Variants in FYB2 observed in about 807,000 individuals in gnomAD.
FYB2 encodes the protein FYN-binding protein 2.
In FYB2, 103 loss-of-function variants were observed where a neutral mutation model predicts 94.1. That is an observed-to-expected ratio of 1.09 (90% CI 0.93 to 1.29). The LOEUF (loss-of-function observed/expected upper bound fraction) is 1.29. Ranked by LOEUF, FYB2 falls within the 50% of genes most tolerant of loss-of-function variation. The pLI is 0.00. For synonymous variants in FYB2, 293 were observed against 287.9 expected, an observed-to-expected ratio of 1.02 and a Z score of -0.18; for missense variants, 896 against 841.5, an observed-to-expected ratio of 1.06 and a Z score of -0.80.
Position 56,792,661 on chromosome 1 carries a change from T to A in FYB2, c.152A>T (p.Asn51Ile). The stretch of plus-strand genomic sequence containing the variant: ...GTGGTTGGATGAGAGGGGTTTCCCA[T>A]TGGCCAAAATTTGAGTTGACTGTGT... The part of the protein sequence containing the change: ...GGTQSTQILA[N>I]GKPLSSNHKQ... The change falls in exon 2 of 20, where the codon AAT (asparagine) becomes ATT (isoleucine). Residue 51 changes from asparagine (N) to isoleucine (I), a missense_variant. Asn to Ile is a moderately radical substitution (Grantham distance 149, BLOSUM62 -3). Coordinates refer to ENST00000343433, the MANE Select transcript of FYB2 (RefSeq NM_001004303.5). 1 of 1,614,070 alleles carries A rather than the reference T, an allele frequency of 6.2e-7. No homozygotes were observed.
Position 56,753,850 on chromosome 1 carries a change from G to T in FYB2, c.1216C>A (p.His406Asn). ...KNTEKEPYSNHVFKVDACEGT... is the reference protein window; with the variant it reads ...KNTEKEPYSNNVFKVDACEGT... ...TAGAACATAGGTACCTTGAAAACAT[G>T]GTTTGAATATGGTTCCTTTTCTGTG... is the stretch of plus-strand genomic sequence containing the variant. The change falls in exon 8 of 20, where the codon CAT becomes AAT. Residue 406 changes from histidine to asparagine, a missense_variant. By Grantham distance (68) the His-to-Asn change is moderately conservative. Coordinates refer to ENST00000343433, the MANE Select transcript of FYB2 (RefSeq NM_001004303.5). 1 of 1,606,120 alleles carries T rather than the reference G, an allele frequency of 6.2e-7. No individual in the cohort carries two copies. The highest frequency in any genetic ancestry group is 8.5e-7 in the Non-Finnish European group (1 of 1,173,334).
At chr1:56,755,680 T>C in intron 7 of FYB2, among the ~76,000 whole-genome samples, 1 of 152,114 alleles carries the variant, frequency 6.6e-6, no homozygotes, top group East Asian at 1.9e-4. Context: ...CAGTAAATGT[T>C]TGCTGAGTGC....
chr1:56,748,798 T>A (rs1312562020), intron 9 of FYB2, among the ~76,000 whole-genome samples: 1 of 152,014 alleles, frequency 6.6e-6, no homozygotes, highest in African/African-American at 2.4e-5. Flanking sequence ...TTTGCTTAAC[T>A]TTTTTTCTTG....
chr1:56,770,530 A>G (rs993932197), intron 4 of FYB2, among the ~76,000 whole-genome samples: 1 of 152,220 alleles, frequency 6.6e-6, no homozygotes, highest in Admixed American at 6.5e-5. Context: ...CTAAATGCTG[A>G]AAAATGAATT....
chr1:56,804,035 A>C (rs1646581532), intron 1 of FYB2, among the ~76,000 whole-genome samples: 1 of 152,182 alleles, frequency 6.6e-6, no homozygotes, highest in African/African-American at 2.4e-5. Flanking sequence ...CATATTTTAT[A>C]AATAACCTTG....
chr1:56,719,890 AT>A, intron 19 of FYB2, 131 bp downstream of exon 19: 1 of 1,055,982 alleles, frequency 9.5e-7, no homozygotes, highest in Non-Finnish European at 1.4e-6. Flanking sequence ...TCCTTATAGA[AT>A]AGGGCACTGC....
intron 14 of FYB2, chr1:56,737,700 G>A (rs1014932166): frequency 6.6e-6 from 1 of 152,008 alleles, no homozygotes; most frequent in Non-Finnish European, 1.5e-5. Flanking sequence ...CACATTCCTT[G>A]GCACTCTACA....
At chr1:56,748,832 T>C (rs1645128497) in intron 9 of FYB2, among the ~76,000 whole-genome samples, 1 of 152,170 alleles carries the variant, frequency 6.6e-6, no homozygotes, top group South Asian at 2.1e-4. Flanking sequence ...CTATCTGTGA[T>C]TATCTTCCTT....
intron 1 of FYB2, among the ~76,000 whole-genome samples, chr1:56,794,302 C>T (rs1301649006): frequency 6.6e-6 from 1 of 152,172 alleles, no homozygotes; most frequent in Non-Finnish European, 1.5e-5. Flanking sequence ...TCCTGCTGGT[C>T]CTTCTTCCTC....
intron 1 of FYB2, among the ~76,000 whole-genome samples, chr1:56,816,345 C>G (rs756365288): frequency 6.6e-6 from 1 of 152,148 alleles, no homozygotes; most frequent in Non-Finnish European, 1.5e-5. Flanking sequence ...AGCAGAATGT[C>G]TACATCACGT....
chr1:56,770,563 A>G (rs1400218978), intron 4 of FYB2, among the ~76,000 whole-genome samples: 1 of 152,230 alleles, frequency 6.6e-6, no homozygotes, highest in Non-Finnish European at 1.5e-5. Context: ...AAATAACTCA[A>G]GAATAACTGA....
intron 6 of FYB2, among the ~76,000 whole-genome samples, chr1:56,757,611 T>A (rs1645365273): frequency 6.6e-6 from 1 of 152,038 alleles, no homozygotes; most frequent in African/African-American, 2.4e-5. Flanking sequence ...ATATGCCTTT[T>A]CTTTCCTTCT....
At position 56,738,643 on chromosome 1, in the gene FYB2, T is replaced by C. The variant is rs143486105; in HGVS notation, c.1714A>G (p.Ile572Val). The change falls in exon 14 of 20, where the codon ATT (isoleucine) becomes GTT (valine). Residue 572 changes from isoleucine to valine, a missense_variant. Coordinates refer to ENST00000343433, the MANE Select transcript of FYB2 (RefSeq NM_001004303.5). The part of the protein sequence containing the change: ...KSKENLSAFS[I>V]LLPDLELKSQ... ...CACTTACCTAAATCAGGCAGCAAAATGGAAAATGCACTGTTGATTGACAAA... is the reference window on the plus strand; with the variant it reads ...CACTTACCTAAATCAGGCAGCAAAACGGAAAATGCACTGTTGATTGACAAA... 1.2e-6 allele frequency: 2 copies of C among 1,610,152 alleles called. No homozygotes were observed. The highest frequency in any genetic ancestry group is 1.7e-6 in the Non-Finnish European group (2 of 1,178,058).
At chr1:56,738,604 C>A in intron 14 of FYB2, 21 bp downstream of exon 14, 1 of 1,604,446 alleles carries the variant, frequency 6.2e-7, no homozygotes, top group Non-Finnish European at 8.5e-7. Context: ...TTTTGGTCTG[C>A]AATAAGCAAA....
At chr1:56,786,915 AT>A (rs1646143986) in intron 4 of FYB2, among the ~76,000 whole-genome samples, 1 of 152,176 alleles carries the variant, frequency 6.6e-6, no homozygotes, top group Non-Finnish European at 1.5e-5. Context: ...TGATGTTTCA[AT>A]TTACTGAACC....
At chr1:56,748,437 A>G (rs943557853) in intron 9 of FYB2, among the ~76,000 whole-genome samples, 2 of 152,016 alleles carry the variant, frequency 1.3e-5, no homozygotes, top group Admixed American at 1.3e-4. Flanking sequence ...GGTGTGAGGA[A>G]GGGGTCCAGT....
intron 4 of FYB2, among the ~76,000 whole-genome samples, chr1:56,768,463 T>C (rs1173963027): frequency 6.6e-6 from 1 of 152,174 alleles, no homozygotes; most frequent in African/African-American, 2.4e-5. Flanking sequence ...GCTTGGAAGT[T>C]TGCTATCTGA....
chr1:56,761,029 G>A (rs188718856), intron 5 of FYB2, among the ~76,000 whole-genome samples: 1 of 152,092 alleles, frequency 6.6e-6, no homozygotes. Context: ...CCACTGATTA[G>A]TTTTATTGTG....
intron 17 of FYB2, among the ~76,000 whole-genome samples, chr1:56,723,225 GCACA>G (rs766115690): frequency 2.8e-5 from 4 of 142,318 alleles, no homozygotes; most frequent in East Asian, 4.2e-4. Flanking sequence ...ACACACACAC[GCACA>G]CACACACACA....
Sources: allele counts gnomAD v4.1 joint callset (sites outside exome capture counted in the v4.1 genomes callset), GRCh38; gene constraint gnomAD v4.1.1; transcripts MANE v1.5; gene names NCBI Gene and HGNC (gene_info 2026-07-23, HGNC 2026-07-21).